Variants in KIRREL3 observed in about 807,000 individuals in gnomAD.
KIRREL3 encodes kin of IRRE-like protein 3.
Under a neutral mutation model 89.7 loss-of-function variants are expected in KIRREL3, and 36 were observed. The observed-to-expected ratio is 0.40, with a 90% CI of 0.31 to 0.53. The LOEUF (loss-of-function observed/expected upper bound fraction) is 0.53, where lower values mean the gene tolerates loss of function less well. Among genes scored for constraint, KIRREL3 ranks in the 20% least tolerant of loss-of-function variants. KIRREL3 has a pLI of 0.49. For missense variants in KIRREL3, 864 were observed against 1,056.6 expected (o/e 0.82, Z 2.53); for synonymous variants, 445 against 441.4 (o/e 1.01, Z -0.10).
chr11:126,730,066 C>T (rs920178839), intron 1 of KIRREL3, among the ~76,000 whole-genome samples: 1 of 152,212 alleles, frequency 6.6e-6, no homozygotes, highest in African/African-American at 2.4e-5. Flanking sequence ...TTCCTGTCCC[C>T]AGCCACTTAA....
In KIRREL3 at chr11:126,904,595, G is replaced by GT. The variant is rs1397387810; in HGVS notation, c.55+95859dup. Among the ~76,000 whole-genome samples, 15 of 152,288 alleles carry GT rather than the reference G, an allele frequency of 9.8e-5. No homozygotes were observed. The highest frequency in any genetic ancestry group is 3.6e-4 in the African/African-American group (15 of 41,558). The stretch of plus-strand genomic sequence containing the variant: ...TTCCTACTAATGACTTTAAATACAT[G>GT]TTTTTGACATCAGGAAAAGAAATAA... On this transcript the variant is annotated intron_variant, in intron 1 of 16. Transcript: ENST00000525144. The surrounding 1 kb of genome is among the most constrained non-coding windows in gnomAD (Gnocchi z 4.4).
At position 126,527,446 on chromosome 11, in the gene KIRREL3, C is replaced by T. The variant is rs941713737; in HGVS notation, c.134-759G>A. ...TAAACAAACCCATCCACAATGCTTA[C>T]AAGATGCCATGCTCTGTTTTGAGGC... is the stretch of plus-strand genomic sequence containing the variant. On this transcript the variant is annotated intron_variant, in intron 2 of 16. Transcript: ENST00000525144. The surrounding 1 kb of genome is among the most constrained non-coding windows in gnomAD (Gnocchi z 4.2). Among the ~76,000 whole-genome samples the T allele has an allele frequency of 1.3e-5, 2 of 152,288 alleles. No homozygotes were observed. The highest frequency in any genetic ancestry group is 1.9e-4 in the East Asian group (1 of 5,176).
Position 126,610,816 on chromosome 11 carries a change from C to T in KIRREL3, c.56-47904G>A, listed in dbSNP as rs980073670. ...AGTGGTCTCCCCAGATCATGCAGGT[C>T]GGGGCAGAAGCTTCTCACTCAGAGA... On this transcript the variant is annotated intron_variant, in intron 1 of 16. Transcript: ENST00000525144. The surrounding 1 kb of genome is among the most constrained non-coding windows in gnomAD (Gnocchi z 4.6). 4 of 152,134 alleles carry T rather than the reference C, an allele frequency of 2.6e-5. No individual in the cohort carries two copies. Among genetic ancestry groups the T allele is most frequent in the Admixed American group, 1.3e-4 (2 of 15,278 alleles). 9.4% of individuals were successfully genotyped at this position (152,134 alleles called of 1,614,324 possible). A position where few individuals can be genotyped will look rare whatever the true frequency, so the allele number is the denominator to read the frequency against.
chr11:126,585,146 C>T (rs112279167), intron 1 of KIRREL3, among the ~76,000 whole-genome samples: 157 of 151,274 alleles, frequency 1.0e-3, no homozygotes, highest in Non-Finnish European at 1.8e-3. Context: ...GTCTCGATCT[C>T]CTGACCTCGC....
At chr11:127,003,031 C>G (rs998226051), upstream of KIRREL3, 2 of 152,246 alleles carry the variant, frequency 1.3e-5, no homozygotes, top group African/African-American at 4.8e-5. Flanking sequence ...GCATCCCCCT[C>G]ACCCCCACCA....
chr11:126,428,479 G>C lies in KIRREL3; in HGVS notation c.1806+700C>G, dbSNP rs1343148933. 6.6e-6 allele frequency among the ~76,000 whole-genome samples: 1 copy of C among 152,256 alleles called. No homozygotes were observed. The highest frequency in any genetic ancestry group is 1.9e-4 in the East Asian group (1 of 5,184). The stretch of plus-strand genomic sequence containing the variant: ...TTCTTGCAGACTGTTTTGGTGGGGT[G>C]CGGGGGATGAGGGAGAGGGACATGT... On this transcript the variant is annotated intron_variant, in intron 15 of 16. Coordinates refer to ENST00000525144, the MANE Select transcript of KIRREL3 (RefSeq NM_032531.4). The surrounding 1 kb of genome is among the most constrained non-coding windows in gnomAD (Gnocchi z 6.4).
At chr11:126,937,687 C>T (rs1330667556) in intron 1 of KIRREL3, among the ~76,000 whole-genome samples, 1 of 151,808 alleles carries the variant, frequency 6.6e-6, no homozygotes, top group Non-Finnish European at 1.5e-5. Flanking sequence ...ATCACGAGGT[C>T]AGGAGATCAA....
At chr11:126,481,427 A>C (rs77289643) in intron 4 of KIRREL3, among the ~76,000 whole-genome samples, 2,362 of 152,374 alleles carry the variant, frequency 0.016, 22 homozygotes, top group Admixed American at 0.028. Flanking sequence ...ATCTCAGGCC[A>C]GACCTCTCTC....
rs566950441 is a variant in KIRREL3, at chr11:126,486,567, C to T, written c.434-13101G>A. ...TTAACCTGATTTGGGGTCTCTTTTG[C>T]TCAACACAGCTGGGTTGGTGGGAAA... is the stretch of plus-strand genomic sequence containing the variant. On this transcript the variant is annotated intron_variant, in intron 4 of 16. Coordinates refer to ENST00000525144, the MANE Select transcript of KIRREL3 (RefSeq NM_032531.4). This position sits in a 1 kb window ranked among gnomAD's most constrained non-coding sequence, Gnocchi z 6.2. Among the ~76,000 whole-genome samples, 1 of 152,332 alleles carries T rather than the reference C, an allele frequency of 6.6e-6. No individual in the cohort carries two copies. The highest frequency in any genetic ancestry group is 1.9e-4 in the East Asian group (1 of 5,182).
rs1247686608 is a variant in KIRREL3 at position 126,999,798 on chromosome 11, C to T, written c.55+657G>A. 6.6e-6 allele frequency among the ~76,000 whole-genome samples: 1 copy of T among 152,186 alleles called. No homozygotes were observed. The highest frequency in any genetic ancestry group is 2.4e-5 in the African/African-American group (1 of 41,440). ...CCCTGCTAGGCTGCAGAAAGGAAAC[C>T]ATCAGCACCACGGGCGAAATTTCAT... is the stretch of plus-strand genomic sequence containing the variant. On this transcript the variant is annotated intron_variant, in intron 1 of 16. Transcript: ENST00000525144. This position sits in a 1 kb window ranked among gnomAD's most constrained non-coding sequence, Gnocchi z 5.7.
At chr11:126,483,994 G>C (rs144159369) in intron 4 of KIRREL3, among the ~76,000 whole-genome samples, 1,524 of 152,332 alleles carry the variant, frequency 0.01, 7 homozygotes, top group Non-Finnish European at 0.015. Context: ...GCCTCAGCAG[G>C]TACATGTGGT....
Position 126,655,134 on chromosome 11 carries a change from C to T in KIRREL3, c.56-92222G>A, listed in dbSNP as rs567968845. On this transcript the variant is annotated intron_variant, in intron 1 of 16. Coordinates refer to ENST00000525144, the MANE Select transcript of KIRREL3 (RefSeq NM_032531.4). This position sits in a 1 kb window ranked among gnomAD's most constrained non-coding sequence, Gnocchi z 5.0. ...GGTGGCTGTGATTTGGCAGCTCTGC[C>T]GAAGATTTGTGAGATGGAGAAGAAA... Among the ~76,000 whole-genome samples the T allele has an allele frequency of 1.1e-4, 16 of 152,238 alleles. No individual in the cohort carries two copies. Among genetic ancestry groups the T allele is most frequent in the African/African-American group, 3.6e-4 (15 of 41,548 alleles).
At chr11:126,939,040 C>T (rs1948324123) in intron 1 of KIRREL3, among the ~76,000 whole-genome samples, 1 of 152,186 alleles carries the variant, frequency 6.6e-6, no homozygotes, top group Admixed American at 6.5e-5. Flanking sequence ...CCCGCCCTGC[C>T]AGGCACACAT....
At position 126,647,496 on chromosome 11, in the gene KIRREL3, C is replaced by T. The variant is rs184218300; in HGVS notation, c.56-84584G>A. Among the ~76,000 whole-genome samples, 24 of 152,338 alleles carry T rather than the reference C, an allele frequency of 1.6e-4. No homozygotes were observed. Among genetic ancestry groups the T allele is most frequent in the Non-Finnish European group, 2.8e-4 (19 of 68,032 alleles). On this transcript the variant is annotated intron_variant, in intron 1 of 16. Coordinates refer to ENST00000525144, the MANE Select transcript of KIRREL3 (RefSeq NM_032531.4). This position sits in a 1 kb window ranked among gnomAD's most constrained non-coding sequence, Gnocchi z 4.9. ...TACTTCATTTATGCATACGTTTACTCCTTTCATTCAGCAAACGTTTATCAG... is the reference window on the plus strand; with the variant it reads ...TACTTCATTTATGCATACGTTTACTTCTTTCATTCAGCAAACGTTTATCAG...
chr11:126,861,944 T>A (rs1944720284), intron 1 of KIRREL3, among the ~76,000 whole-genome samples: 2 of 152,156 alleles, frequency 1.3e-5, no homozygotes, highest in Admixed American at 6.5e-5. Context: ...ACCTTTCCCA[T>A]CAGACCAGTT....
rs546318071 is a variant in KIRREL3, at chr11:126,594,497, G to T, written c.56-31585C>A. Among the ~76,000 whole-genome samples the T allele has an allele frequency of 2.6e-5, 4 of 152,152 alleles. No individual in the cohort carries two copies. The highest frequency in any genetic ancestry group is 6.5e-5 in the Admixed American group (1 of 15,298). On this transcript the variant is annotated intron_variant, in intron 1 of 16. Transcript: ENST00000525144. The surrounding 1 kb of genome is among the most constrained non-coding windows in gnomAD (Gnocchi z 5.0). ...AATCTCAGCTCCTTCCACTTTTTTC[G>T]CTGTGTAACTTTAGAATTCCTTTAG...
intron 1 of KIRREL3, among the ~76,000 whole-genome samples, chr11:126,895,437 A>G (rs1229056484): frequency 7.0e-6 from 1 of 143,112 alleles, no homozygotes; most frequent in Non-Finnish European, 1.5e-5. Flanking sequence ...CAACAGAGTG[A>G]GACACTGTCT....
Position 126,656,021 on chromosome 11 carries a change from A to C in KIRREL3, c.56-93109T>G. 2.5e-6 allele frequency: 1 copy of C among 393,452 alleles called. No individual in the cohort carries two copies. The highest frequency in any genetic ancestry group is 5.2e-6 in the Non-Finnish European group (1 of 192,728). The allele number at this position is 393,452 out of a possible 1,614,324, so 24.4% of individuals were successfully genotyped here. A position where few individuals can be genotyped will look rare whatever the true frequency, so the allele number is the denominator to read the frequency against. The stretch of plus-strand genomic sequence containing the variant: ...TTAGAAGCTAATTAGAATCCTCTAG[A>C]AGTGTGTGGAAATGGGAACCTGAGC... On this transcript the variant is annotated intron_variant, in intron 1 of 16. Coordinates refer to ENST00000525144, the MANE Select transcript of KIRREL3 (RefSeq NM_032531.4). This position sits in a 1 kb window ranked among gnomAD's most constrained non-coding sequence, Gnocchi z 4.0.
Position 126,948,625 on chromosome 11 carries a change from G to C in KIRREL3, c.55+51830C>G, listed in dbSNP as rs139383187. On this transcript the variant is annotated intron_variant, in intron 1 of 16. Coordinates refer to ENST00000525144, the MANE Select transcript of KIRREL3 (RefSeq NM_032531.4). The surrounding 1 kb of genome is among the most constrained non-coding windows in gnomAD (Gnocchi z 4.5). ...CTATGGGACTCAGTTTCCTTATTCA[G>C]AGCTTGACCAGTGCTCTTTTTTGCT... 2.4e-3 allele frequency among the ~76,000 whole-genome samples: 360 copies of C among 152,332 alleles called. 2 individuals carry two copies. Among genetic ancestry groups the C allele is most frequent in the African/African-American group, 8.2e-3 (342 of 41,572 alleles).
Sources: allele counts gnomAD v4.1 joint callset (sites outside exome capture counted in the v4.1 genomes callset), GRCh38; gene constraint gnomAD v4.1.1; non-coding constraint Gnocchi (gnomAD v3.1); transcripts MANE v1.5; gene names NCBI Gene and HGNC (gene_info 2026-07-23, HGNC 2026-07-21).